CSMD1: variants seen among roughly 807,000 people sequenced by gnomAD.
The protein encoded by CSMD1 is CUB and sushi domain-containing protein 1.
CSMD1 carries 213 observed loss-of-function variants against 417.5 expected under a neutral mutation model. The ratio of observed to expected loss-of-function variants is 0.51; its 90% CI spans 0.46 to 0.57. The LOEUF (loss-of-function observed/expected upper bound fraction) is 0.57, where lower values mean the gene tolerates loss of function less well. CSMD1 is among the 20% of genes least tolerant of loss of function. The probability of loss-of-function intolerance (pLI) is 0.00; values close to 1 mark genes in which losing one functional copy is unlikely to be tolerated. For synonymous variants in CSMD1, 2,862 were observed against 1,736.8 expected (o/e 1.65, Z -16.11); for missense variants, 6,923 against 4,529.7 (o/e 1.53, Z -15.17).
intron 2 of CSMD1, among the ~76,000 whole-genome samples, chr8:4,464,679 T>C (rs138925396): frequency 2.6e-5 from 4 of 152,232 alleles, no homozygotes; most frequent in African/African-American, 9.6e-5. Flanking sequence ...GTCAATCCTG[T>C]AATATAGCCA....
At chr8:4,729,880 T>G (rs190271650) in intron 1 of CSMD1, among the ~76,000 whole-genome samples, 3 of 152,214 alleles carry the variant, frequency 2.0e-5, no homozygotes, top group Non-Finnish European at 4.4e-5. Flanking sequence ...CCTAAGGTGA[T>G]AGGAACCTCA....
intron 2 of CSMD1, among the ~76,000 whole-genome samples, chr8:4,421,724 T>G (rs1423176353): frequency 6.6e-6 from 1 of 151,378 alleles, no homozygotes; most frequent in East Asian, 1.9e-4. Flanking sequence ...AAAACACAGC[T>G]TAGAAAAACT....
intron 5 of CSMD1, among the ~76,000 whole-genome samples, chr8:3,924,103 C>T (rs1011943729): frequency 6.6e-6 from 1 of 152,114 alleles, no homozygotes; most frequent in Non-Finnish European, 1.5e-5. Context: ...TTTCTCAGCT[C>T]TTGTTGATGC....
chr8:3,611,314 T>G (rs775773567), intron 8 of CSMD1, among the ~76,000 whole-genome samples: 1 of 152,110 alleles, frequency 6.6e-6, no homozygotes, highest in East Asian at 1.9e-4. Flanking sequence ...TCATAACACT[T>G]GAATACGTAA....
Position 3,500,634 on chromosome 8 carries a change from T to C in CSMD1, c.1345-6908A>G, listed in dbSNP as rs146043451. On this transcript the variant is annotated intron_variant, in intron 10 of 69. Coordinates refer to ENST00000635120, the MANE Select transcript of CSMD1 (RefSeq NM_033225.6). ...CAAGAATATGGTGTTTTGTGAAAAA[T>C]CCATAAAACTAAAGATCTTAAGGAG... Among the ~76,000 whole-genome samples the C allele has an allele frequency of 5.1e-3, 769 of 152,112 alleles. 8 individuals are homozygous for C. The highest frequency in any genetic ancestry group is 0.018 in the African/African-American group (730 of 41,524).
intron 12 of CSMD1, among the ~76,000 whole-genome samples, chr8:3,434,902 G>C (rs772369644): frequency 2.0e-5 from 3 of 152,214 alleles, no homozygotes; most frequent in Non-Finnish European, 2.9e-5. Context: ...GAATACTTGT[G>C]ATTGGTTTAA....
At chr8:4,329,867 C>G (rs1370607710) in intron 3 of CSMD1, among the ~76,000 whole-genome samples, 6 of 151,588 alleles carry the variant, frequency 4.0e-5, no homozygotes, top group Non-Finnish European at 8.8e-5. Context: ...CACACACACA[C>G]ACACACAGAC....
intron 2 of CSMD1, among the ~76,000 whole-genome samples, chr8:4,434,068 G>A: frequency 6.6e-6 from 1 of 152,220 alleles, no homozygotes; most frequent in East Asian, 1.9e-4. Flanking sequence ...CTGGACATTG[G>A]GACTCACGCC....
chr8:3,689,839 G>A (rs1003680362), intron 7 of CSMD1, among the ~76,000 whole-genome samples: 1 of 152,188 alleles, frequency 6.6e-6, no homozygotes. Context: ...ACTGGGCTCA[G>A]AAAGAACATG....
At chr8:3,083,326 A>G (rs1317643147) in intron 49 of CSMD1, among the ~76,000 whole-genome samples, 2 of 151,936 alleles carry the variant, frequency 1.3e-5, no homozygotes, top group Non-Finnish European at 2.9e-5. Context: ...CCAAATAGAA[A>G]ATAGGGTTCC....
intron 5 of CSMD1, among the ~76,000 whole-genome samples, chr8:3,792,952 G>A (rs781021976): frequency 6.6e-6 from 1 of 152,100 alleles, no homozygotes; most frequent in Non-Finnish European, 1.5e-5. Context: ...ATGCACAACT[G>A]CCACTGTGAA....
intron 23 of CSMD1, among the ~76,000 whole-genome samples, chr8:3,336,380 G>C (rs1161888816): frequency 6.6e-6 from 1 of 152,094 alleles, no homozygotes; most frequent in Non-Finnish European, 1.5e-5. Context: ...CCTTTTTCAT[G>C]ACCCCTGTTA....
intron 1 of CSMD1, among the ~76,000 whole-genome samples, chr8:4,821,119 T>C (rs1205071213): frequency 1.3e-5 from 2 of 152,132 alleles, no homozygotes; most frequent in Admixed American, 6.6e-5. Context: ...AAGATCTCGG[T>C]TGTATCAGGC....
chr8:4,275,177 T>C (rs142058219), intron 3 of CSMD1, among the ~76,000 whole-genome samples: 2 of 152,066 alleles, frequency 1.3e-5, no homozygotes, highest in Admixed American at 6.6e-5. Context: ...TTTTCTGGGG[T>C]TTTTTCTTTC....
chr8:3,846,008 G>T (rs931603565), intron 5 of CSMD1, among the ~76,000 whole-genome samples: 11 of 151,804 alleles, frequency 7.2e-5, no homozygotes, highest in East Asian at 1.9e-4. Context: ...TGAGAACAAT[G>T]CCTTCTGGAC....
intron 59 of CSMD1, among the ~76,000 whole-genome samples, chr8:2,964,114 A>G (rs1330072367): frequency 6.6e-6 from 1 of 152,246 alleles, no homozygotes; most frequent in Non-Finnish European, 1.5e-5. Flanking sequence ...TTCTCTGAAG[A>G]TACACAACTT....
At position 4,267,399 on chromosome 8, in the gene CSMD1, G is replaced by T. The variant is rs528666948; in HGVS notation, c.415+152554C>A. Among the ~76,000 whole-genome samples the T allele has an allele frequency of 2.7e-4, 12 of 45,234 alleles. 2 individuals are homozygous for T. Among genetic ancestry groups the T allele is most frequent in the Admixed American group, 1.3e-3 (6 of 4,614 alleles). The allele number at this position is 45,234 out of a possible 152,430, so 29.7% of individuals were successfully genotyped here. ...TTAGGATTAACTATGAACTCTGAAA[G>T]ATCTATGTGAAGAAAATGATAAGCT... is the stretch of plus-strand genomic sequence containing the variant. On this transcript the variant is annotated intron_variant, in intron 3 of 69. Coordinates refer to ENST00000635120, the MANE Select transcript of CSMD1 (RefSeq NM_033225.6).
intron 1 of CSMD1, among the ~76,000 whole-genome samples, chr8:4,747,539 C>G (rs1811037132): frequency 6.6e-6 from 1 of 152,162 alleles, no homozygotes; most frequent in Non-Finnish European, 1.5e-5. Context: ...TGATATTTGT[C>G]TTAATTTATG....
intron 25 of CSMD1, among the ~76,000 whole-genome samples, chr8:3,289,050 C>G (rs903946762): frequency 6.8e-6 from 1 of 146,858 alleles, no homozygotes; most frequent in African/African-American, 2.7e-5. Context: ...TTGTTCAATT[C>G]CCACCTATGA....
Sources: allele counts gnomAD v4.1 joint callset (sites outside exome capture counted in the v4.1 genomes callset), GRCh38; gene constraint gnomAD v4.1.1; transcripts MANE v1.5; gene names NCBI Gene and HGNC (gene_info 2026-07-23, HGNC 2026-07-21).